The following PTPRD variants were observed in gnomAD, a reference collection of about 807,000 sequenced individuals.
The protein encoded by PTPRD is receptor-type tyrosine-protein phosphatase delta.
PTPRD carries 34 observed loss-of-function variants against 214.5 expected under a neutral mutation model. That is an observed-to-expected ratio of 0.16 (90% CI 0.12 to 0.21). PTPRD has a LOEUF of 0.21. Ranked by LOEUF, PTPRD falls within the 10% of genes least tolerant of loss-of-function variation. PTPRD has a pLI of 1.00. For missense variants in PTPRD, 2,545 were observed against 2,398.7 expected (o/e 1.06, Z -1.27); for synonymous variants, 1,128 against 845.7 (o/e 1.33, Z -5.79).
chr9:8,715,960 G>C (rs762298373), intron 12 of PTPRD, among the ~76,000 whole-genome samples: 1 of 152,228 alleles, frequency 6.6e-6, no homozygotes, highest in Non-Finnish European at 1.5e-5. Flanking sequence ...ATGCCCTTTG[G>C]AGCACTGGCC....
At position 8,340,434 on chromosome 9, in the gene PTPRD, A is replaced by G. The variant is rs766380019; in HGVS notation, c.5162T>C (p.Leu1721Ser). The change falls in exon 42 of 46, where the codon TTG (leucine) becomes TCG (serine). Residue 1721 changes from leucine (L) to serine (S), a missense_variant. By Grantham distance (145) the Leu-to-Ser change is moderately radical (BLOSUM62 -2). Transcript: ENST00000381196. ...CCAGAAGTCTTCAGTGGTCTCTGCCAAGGGCCCCTGGGTAGCGATGTAGGC... is the reference window on the plus strand; with the variant it reads ...CCAGAAGTCTTCAGTGGTCTCTGCCGAGGGCCCCTGGGTAGCGATGTAGGC... Reference protein sequence around the residue: ...QKAYIATQGPLAETTEDFWRM... With the variant: ...QKAYIATQGPSAETTEDFWRM... The G allele has an allele frequency of 1.2e-6, 2 of 1,607,836 alleles. No homozygotes were observed. The highest frequency in any genetic ancestry group is 1.1e-5 in the South Asian group (1 of 90,386).
In PTPRD at chr9:10,586,811, C is replaced by A. The variant is rs995227288; in HGVS notation, c.-600+25587G>T. 4.8e-5 allele frequency among the ~76,000 whole-genome samples: 7 copies of A among 145,044 alleles called. No homozygotes were observed. In the East Asian group the frequency reaches 6.0e-4, roughly 12 times the overall value. On this transcript the variant is annotated intron_variant, in intron 2 of 45. Coordinates refer to ENST00000381196, the MANE Select transcript of PTPRD (RefSeq NM_002839.4). The stretch of plus-strand genomic sequence containing the variant: ...TTTTTTTTTTTTTTTTACCATGCTT[C>A]TTTGTCATCAATATAATTAACTTTC...
chr9:9,151,435 A>C (rs896162258), intron 10 of PTPRD, among the ~76,000 whole-genome samples: 6 of 152,194 alleles, frequency 3.9e-5, no homozygotes, highest in African/African-American at 1.4e-4. Context: ...GATGTCCCCC[A>C]GGCTGCAGGC....
At chr9:9,127,458 G>A (rs553577452) in intron 10 of PTPRD, among the ~76,000 whole-genome samples, 42 of 152,296 alleles carry the variant, frequency 2.8e-4, no homozygotes, top group Middle Eastern at 6.8e-3. Context: ...AGCTATAACT[G>A]ACAAGACTTG....
intron 12 of PTPRD, among the ~76,000 whole-genome samples, chr9:8,723,360 T>G (rs745398261): frequency 1.3e-5 from 2 of 152,142 alleles, no homozygotes; most frequent in Non-Finnish European, 1.5e-5. Context: ...TCCCTTCATA[T>G]CCTCTCTTAC....
intron 5 of PTPRD, among the ~76,000 whole-genome samples, chr9:9,873,525 A>C (rs10116184): frequency 0.026 from 3,967 of 152,178 alleles, 64 homozygotes; most frequent in African/African-American, 0.046. Flanking sequence ...CTCTCTGGGT[A>C]ATTTACCACA....
At chr9:8,874,002 A>G (rs964981995) in intron 11 of PTPRD, among the ~76,000 whole-genome samples, 2 of 152,200 alleles carry the variant, frequency 1.3e-5, no homozygotes, top group Non-Finnish European at 2.9e-5. Flanking sequence ...GTCCTTCCAG[A>G]CTTTGAGGGG....
intron 9 of PTPRD, among the ~76,000 whole-genome samples, chr9:9,261,923 C>A (rs1400967400): frequency 3.3e-5 from 5 of 151,600 alleles, no homozygotes; most frequent in African/African-American, 1.2e-4. Flanking sequence ...GGAAGGCATC[C>A]TACTAATAAA....
intron 3 of PTPRD, among the ~76,000 whole-genome samples, chr9:10,142,467 C>T (rs368188652): frequency 2.0e-5 from 3 of 152,014 alleles, no homozygotes; most frequent in East Asian, 1.9e-4. Flanking sequence ...GGGCAAAGGA[C>T]ATGAACAGAC....
At chr9:10,231,274 C>G (rs1229678383) in intron 3 of PTPRD, among the ~76,000 whole-genome samples, 1 of 149,622 alleles carries the variant, frequency 6.7e-6, no homozygotes, top group Non-Finnish European at 1.5e-5. Context: ...GGCAAAGAAA[C>G]AAAACTGATA....
At chr9:9,524,080 TG>T (rs1380429442) in intron 8 of PTPRD, among the ~76,000 whole-genome samples, 1 of 152,058 alleles carries the variant, frequency 6.6e-6, no homozygotes, top group Admixed American at 6.6e-5. Context: ...GTTTCTAGGC[TG>T]GGGAAGGTGT....
At chr9:8,358,189 C>G (rs1020542899) in intron 39 of PTPRD, among the ~76,000 whole-genome samples, 2 of 152,058 alleles carry the variant, frequency 1.3e-5, no homozygotes, top group African/African-American at 2.4e-5. Context: ...CCACGTATCT[C>G]TAACGGTTGA....
rs1312057571 is a variant in PTPRD at position 8,492,872 on chromosome 9, G to A, written c.2457C>T (p.Thr819=). The A allele has an allele frequency of 3.7e-6, 6 of 1,612,894 alleles. No homozygotes were observed. In the African/African-American group the frequency reaches 4.0e-5, roughly 11 times the overall value. Residue 819 remains threonine, a synonymous_variant, in exon 27 of 46, where the codon ACC becomes ACT. Transcript: ENST00000381196. ...GARSKPKLVS[T]TGAVPGKPRL... is the part of the protein sequence containing the mutation. ...CACAGACATGATTACCTGCCCCAGTGGTGGACACCAGTTTGGGCTTGCTGC... is the reference window on the plus strand; with the variant it reads ...CACAGACATGATTACCTGCCCCAGTAGTGGACACCAGTTTGGGCTTGCTGC...
At chr9:10,087,369 C>A (rs908437913) in intron 3 of PTPRD, among the ~76,000 whole-genome samples, 2 of 151,534 alleles carry the variant, frequency 1.3e-5, no homozygotes, top group African/African-American at 2.4e-5. Context: ...AAAAGTAATA[C>A]CTACAAGTAT....
chr9:10,431,578 C>A (rs2098679090), intron 2 of PTPRD, among the ~76,000 whole-genome samples: 1 of 151,648 alleles, frequency 6.6e-6, no homozygotes, highest in African/African-American at 2.4e-5. Context: ...TGAACTCAAA[C>A]AAATTTACAA....
At chr9:9,336,453 C>T (rs966601560) in intron 9 of PTPRD, among the ~76,000 whole-genome samples, 2 of 152,136 alleles carry the variant, frequency 1.3e-5, no homozygotes, top group East Asian at 3.8e-4. Flanking sequence ...TGATGTCCAA[C>T]CAGGTGATGA....
intron 8 of PTPRD, among the ~76,000 whole-genome samples, chr9:9,450,027 T>C (rs1247900221): frequency 6.6e-6 from 1 of 151,978 alleles, no homozygotes; most frequent in Non-Finnish European, 1.5e-5. Flanking sequence ...AACAATGGCT[T>C]CCAGCTCCAA....
intron 2 of PTPRD, among the ~76,000 whole-genome samples, chr9:10,385,220 G>A (rs1310178756): frequency 1.3e-5 from 2 of 151,614 alleles, no homozygotes; most frequent in African/African-American, 4.8e-5. Context: ...AGCTCTTTGT[G>A]CCTCTGACTG....
chr9:9,850,657 T>C (rs940681127), intron 5 of PTPRD, among the ~76,000 whole-genome samples: 2 of 152,204 alleles, frequency 1.3e-5, no homozygotes, highest in African/African-American at 4.8e-5. Context: ...TTATGTATTG[T>C]ATCACATATT....
Sources: allele counts gnomAD v4.1 joint callset (sites outside exome capture counted in the v4.1 genomes callset), GRCh38; gene constraint gnomAD v4.1.1; transcripts MANE v1.5; gene names NCBI Gene and HGNC (gene_info 2026-07-23, HGNC 2026-07-21).